The following SNX16 variants were observed in gnomAD, a reference collection of about 807,000 sequenced individuals.
The protein encoded by SNX16 is sorting nexin-16.
SNX16 carries 35 observed loss-of-function variants against 36.7 expected under a neutral mutation model. That is an observed-to-expected ratio of 0.95 (90% CI 0.73 to 1.27). The LOEUF (loss-of-function observed/expected upper bound fraction) is 1.27, where lower values mean the gene tolerates loss of function less well. SNX16 is among the 50% of genes most tolerant of loss of function. The pLI is 0.00. For synonymous variants in SNX16, 134 were observed against 132.0 expected, an observed-to-expected ratio of 1.02 and a Z score of -0.10; for missense variants, 367 against 393.6, an observed-to-expected ratio of 0.93 and a Z score of 0.57.
chr8:81,841,184 T>C (rs1016769443), intron 1 of SNX16, among the ~76,000 whole-genome samples: 2 of 151,940 alleles, frequency 1.3e-5, no homozygotes, highest in African/African-American at 2.4e-5. Context: ...CTACTAAAAA[T>C]ACAAAAATTA....
rs1811826042 is a variant in SNX16, at chr8:81,842,108, G to C, written c.-97+14C>G. On this transcript the variant is annotated intron_variant, in intron 1 of 7. Transcript: ENST00000345957. Reference sequence around the variant, plus strand: ...CAGCGACCGCCTGTCCTGAGGTAATGACCCAGTCTTTACCTCAGCCCCCTC... The same window carrying C: ...CAGCGACCGCCTGTCCTGAGGTAATCACCCAGTCTTTACCTCAGCCCCCTC... 6.6e-6 allele frequency: 1 copy of C among 151,502 alleles called. No homozygotes were observed. Among genetic ancestry groups the C allele is most frequent in the Non-Finnish European group, 1.5e-5 (1 of 67,942 alleles). 9.4% of individuals were successfully genotyped at this position (151,502 alleles called of 1,614,324 possible).
chr8:81,819,541 A>C (rs778429507), intron 4 of SNX16, among the ~76,000 whole-genome samples: 14 of 152,068 alleles, frequency 9.2e-5, no homozygotes, highest in Non-Finnish European at 1.5e-4. Flanking sequence ...TTTCCTAGTC[A>C]AAAGTTCTCT....
chr8:81,799,598 AATTT>A lies in SNX16; in HGVS notation c.*1895_*1898del, dbSNP rs1383548057. ...ACAGCTACTGTTGTAGTGAAAAAATAATTTATTAAATGAACATAATACTGGGAGT... is the reference window on the plus strand; with the variant it reads ...ACAGCTACTGTTGTAGTGAAAAAATAATTAAATGAACATAATACTGGGAGT... On this transcript the variant is annotated 3_prime_UTR_variant, in exon 8 of 8. Coordinates refer to ENST00000345957, the MANE Select transcript of SNX16 (RefSeq NM_152836.3). 6.6e-6 allele frequency: 1 copy of A among 152,032 alleles called. No homozygotes were observed. The highest frequency in any genetic ancestry group is 2.4e-5 in the African/African-American group (1 of 41,466). The allele number at this position is 152,032 out of a possible 1,614,324, so 9.4% of individuals were successfully genotyped here.
intron 4 of SNX16, among the ~76,000 whole-genome samples, chr8:81,820,737 T>G (rs1242611174): frequency 6.6e-6 from 1 of 151,986 alleles, no homozygotes. Context: ...CTTGTTACTT[T>G]TATAAAATGT....
At chr8:81,830,433 C>T (rs1307900664) in intron 2 of SNX16, among the ~76,000 whole-genome samples, 11 of 151,620 alleles carry the variant, frequency 7.3e-5, no homozygotes, top group Admixed American at 1.3e-4. Flanking sequence ...TAGCCGGGCA[C>T]GGTGGCAGGC....
intron 3 of SNX16, among the ~76,000 whole-genome samples, chr8:81,826,674 G>A (rs1370920305): frequency 2.0e-5 from 3 of 152,074 alleles, no homozygotes; most frequent in Admixed American, 2.0e-4. Flanking sequence ...CAGAGAAGTT[G>A]AAGTCAGACC....
At chr8:81,815,183 A>C in intron 5 of SNX16, 142 bp downstream of exon 5, 1 of 549,426 alleles carries the variant, frequency 1.8e-6, no homozygotes, top group Non-Finnish European at 2.9e-6. Context: ...CCTTTGACTC[A>C]AACATGAAAG....
In SNX16 at chr8:81,823,946, AAAG is replaced by A. The variant is rs774916196; in HGVS notation, c.463-9_463-7del. The A allele has an allele frequency of 2.4e-5, 39 of 1,603,166 alleles. No individual in the cohort carries two copies. Among genetic ancestry groups the A allele is most frequent in the Admixed American group, 5.2e-5 (3 of 57,946 alleles). On this transcript the variant is annotated splice_region_variant and splice_polypyrimidine_tract_variant and intron_variant, in intron 3 of 7. Transcript: ENST00000345957. ...CCTGGAAACATCTCTTTTAACTGAA[AAAG>A]AAGAAAAGAGCAAATACAATGTTTA...
chr8:81,833,750 G>A (rs571392742), intron 2 of SNX16, among the ~76,000 whole-genome samples: 3 of 152,220 alleles, frequency 2.0e-5, no homozygotes, highest in South Asian at 2.1e-4. Context: ...GATAAAATAC[G>A]ACTTTTGTGT....
chr8:81,808,473 G>A (rs2130615099), intron 5 of SNX16: 3 of 982,762 alleles, frequency 3.1e-6, no homozygotes, highest in Admixed American at 1.7e-5. Flanking sequence ...CTGTGGTGGT[G>A]GGGGATATGG....
At chr8:81,823,545 C>T (rs1810871555) in intron 4 of SNX16, among the ~76,000 whole-genome samples, 1 of 152,002 alleles carries the variant, frequency 6.6e-6, no homozygotes, top group African/African-American at 2.4e-5. Flanking sequence ...TGGTTTAGTA[C>T]ATGGTACACT....
intron 3 of SNX16, among the ~76,000 whole-genome samples, chr8:81,824,317 T>C (rs924270856): frequency 1.3e-5 from 2 of 152,190 alleles, no homozygotes; most frequent in Non-Finnish European, 2.9e-5. Flanking sequence ...ATTAAATTTT[T>C]TAGCACCTTC....
Position 81,815,394 on chromosome 8 carries a change from GCTTTTC to G in SNX16, c.612-6_612-1del. 4 of 1,609,088 alleles carry G rather than the reference GCTTTTC, an allele frequency of 2.5e-6. No homozygotes were observed. Among genetic ancestry groups the G allele is most frequent in the Non-Finnish European group, 3.4e-6 (4 of 1,177,938 alleles). ...AACAAAGAAATTCTCTCACTGCAAG[GCTTTTC>G]AAAGGAAAAAAAAAATGATCTGAAG... On this transcript the variant is annotated splice_acceptor_variant and splice_polypyrimidine_tract_variant and intron_variant, in intron 4 of 7. Transcript: ENST00000345957. LOFTEE classifies it high-confidence loss of function.
At chr8:81,838,155 C>A (rs1488620455) in intron 2 of SNX16, among the ~76,000 whole-genome samples, 1 of 152,070 alleles carries the variant, frequency 6.6e-6, no homozygotes, top group Non-Finnish European at 1.5e-5. Flanking sequence ...AAACAACATC[C>A]ATATCCTGAA....
At chr8:81,836,466 T>C (rs1174883065) in intron 2 of SNX16, among the ~76,000 whole-genome samples, 1 of 152,170 alleles carries the variant, frequency 6.6e-6, no homozygotes, top group Non-Finnish European at 1.5e-5. Context: ...ATCTAGCATG[T>C]CTAAAAACAA....
At position 81,829,566 on chromosome 8, in the gene SNX16, T is replaced by G. The variant is rs190573876; in HGVS notation, c.376-50A>C. ...GGAGAGAAAAATATAAAAGTAAAGA[T>G]ATTTAAAAACTCAAGCCAAATATTT... is the stretch of plus-strand genomic sequence containing the variant. On this transcript the variant is annotated intron_variant, in intron 2 of 7. Transcript: ENST00000345957. The G allele has an allele frequency of 2.0e-3, 1,671 of 833,518 alleles. 8 individuals are homozygous for G. Among genetic ancestry groups the G allele is most frequent in the Non-Finnish European group, 1.6e-3 (928 of 586,654 alleles). The allele number at this position is 833,518 out of a possible 1,614,324, so 51.6% of individuals were successfully genotyped here.
intron 1 of SNX16, among the ~76,000 whole-genome samples, chr8:81,840,942 A>G (rs951090942): frequency 1.4e-5 from 2 of 142,026 alleles, no homozygotes; most frequent in African/African-American, 4.9e-5. Flanking sequence ...CAACAAAATG[A>G]CAAGACTACA....
chr8:81,826,766 A>G (rs1215412844), intron 3 of SNX16, among the ~76,000 whole-genome samples: 2 of 152,232 alleles, frequency 1.3e-5, no homozygotes, highest in Non-Finnish European at 2.9e-5. Context: ...GTGTTATTTT[A>G]GCACATTCAA....
chr8:81,814,823 A>G (rs1010120387), intron 5 of SNX16: 1 of 152,140 alleles, frequency 6.6e-6, no homozygotes, highest in African/African-American at 2.4e-5. Flanking sequence ...TACTATTACC[A>G]AATCTGTTTT....
Sources: allele counts gnomAD v4.1 joint callset (sites outside exome capture counted in the v4.1 genomes callset), GRCh38; gene constraint gnomAD v4.1.1; transcripts MANE v1.5; gene names NCBI Gene and HGNC (gene_info 2026-07-23, HGNC 2026-07-21).